Variants in ASPH observed in about 807,000 individuals in gnomAD.
ASPH encodes aspartyl/asparaginyl beta-hydroxylase.
In ASPH, 100 loss-of-function variants were observed where a neutral mutation model predicts 118.4. The observed-to-expected ratio is 0.84, with a 90% CI of 0.72 to 1.00. The LOEUF is 1.00. ASPH is among the 50% of genes least tolerant of loss of function. The probability of loss-of-function intolerance (pLI) is 0.00; values close to 1 mark genes in which losing one functional copy is unlikely to be tolerated. For missense variants in ASPH, 920 were observed against 919.5 expected, an observed-to-expected ratio of 1.00 and a Z score of -0.01; for synonymous variants, 315 against 325.6, an observed-to-expected ratio of 0.97 and a Z score of 0.35.
intron 20 of ASPH, among the ~76,000 whole-genome samples, chr8:61,551,839 C>T (rs966348455): frequency 6.6e-6 from 1 of 152,180 alleles, no homozygotes; most frequent in African/African-American, 2.4e-5. Flanking sequence ...GCAAAAAGGA[C>T]TACTAATCAG....
chr8:61,553,445 T>C (rs1398826208), intron 19 of ASPH, among the ~76,000 whole-genome samples: 1 of 152,232 alleles, frequency 6.6e-6, no homozygotes, highest in African/African-American at 2.4e-5. Context: ...GGATAGCTCT[T>C]ACATTTATTT....
chr8:61,579,123 C>T (rs926894973), intron 15 of ASPH: 84 of 1,610,640 alleles, frequency 5.2e-5, no homozygotes, highest in Middle Eastern at 2.2e-4. Context: ...TGACCTGTGG[C>T]GCACAAAGAC....
chr8:61,521,757 G>C (rs1306400007), intron 22 of ASPH, among the ~76,000 whole-genome samples: 1 of 152,218 alleles, frequency 6.6e-6, no homozygotes, highest in Non-Finnish European at 1.5e-5. Context: ...AGATCTAACA[G>C]CCAATGCAAA....
rs542741485 is a variant in ASPH at position 61,565,584 on chromosome 8, T to C, written c.1300+1584A>G. Among the ~76,000 whole-genome samples, 88 of 150,274 alleles carry C rather than the reference T, an allele frequency of 5.9e-4. 1 individual carries two copies. The highest frequency in any genetic ancestry group is 5.0e-4 in the Non-Finnish European group (34 of 67,434). On this transcript the variant is annotated intron_variant, in intron 17 of 24. Transcript: ENST00000379454. ...TAAGATGAAGTAGCAAGTGCTAATGTAGAAGCTGTAGCAAGTTTCCAGAAG... is the reference window on the plus strand; with the variant it reads ...TAAGATGAAGTAGCAAGTGCTAATGCAGAAGCTGTAGCAAGTTTCCAGAAG...
rs778992919 is a variant in ASPH, at chr8:61,663,176, T to G, written c.323-9516A>C. The G allele has an allele frequency of 9.3e-5, 92 of 985,376 alleles. No individual in the cohort carries two copies. In the African/African-American group the frequency reaches 9.6e-4, roughly 10 times the overall value. 61.0% of individuals were successfully genotyped at this position (985,376 alleles called of 1,614,324 possible). A position where few individuals can be genotyped will look rare whatever the true frequency, so the allele number is the denominator to read the frequency against. On this transcript the variant is annotated intron_variant, in intron 3 of 24. Transcript: ENST00000379454. ...ATATGCCTGGGGGACATGTTCTGCT[T>G]CTTCTTCTGTCCAGTTTTCAAAGCC...
At chr8:61,667,792 T>A (rs970591841) in intron 3 of ASPH, among the ~76,000 whole-genome samples, 1 of 152,230 alleles carries the variant, frequency 6.6e-6, no homozygotes, top group Non-Finnish European at 1.5e-5. Flanking sequence ...TAGCTTTCAC[T>A]GTGCTCTAAG....
In ASPH at chr8:61,517,645, A is replaced by C; in HGVS notation, c.2009T>G (p.Met670Arg). 6.2e-7 allele frequency: 1 copy of C among 1,613,968 alleles called. No homozygotes were observed. Among genetic ancestry groups the C allele is most frequent in the Non-Finnish European group, 8.5e-7 (1 of 1,179,876 alleles). Residue 670 changes from methionine (M) to arginine (R), a missense_variant, in exon 24 of 25, where the codon ATG becomes AGG. Physicochemically the swap from Met to Arg is moderately conservative, Grantham distance 91. Transcript: ENST00000379454. ...CGGCCACACGTGAGTCCCGGGGTGC[A>C]TGATGGAATATTTGATCTGCATAGA... ...CRRGQIKYSI[M>R]HPGTHVWPHT...
chr8:61,603,649 T>A (rs1483870646), intron 14 of ASPH, among the ~76,000 whole-genome samples: 1 of 152,222 alleles, frequency 6.6e-6, no homozygotes. Context: ...ATTTATTGAG[T>A]GCCTCACAGG....
At chr8:61,691,813 T>A (rs1157262686) in intron 1 of ASPH, among the ~76,000 whole-genome samples, 2 of 152,188 alleles carry the variant, frequency 1.3e-5, no homozygotes. Context: ...TGAAACAAAC[T>A]TCTATTGATT....
chr8:61,620,855 G>C (rs1445343044), intron 13 of ASPH, among the ~76,000 whole-genome samples: 1 of 152,224 alleles, frequency 6.6e-6, no homozygotes, highest in Non-Finnish European at 1.5e-5. Context: ...TGCTGGTCAT[G>C]AAGGGGAGTT....
intron 14 of ASPH, among the ~76,000 whole-genome samples, chr8:61,610,494 T>C (rs1316480806): frequency 6.6e-6 from 1 of 152,250 alleles, no homozygotes. Flanking sequence ...ATAATTAACT[T>C]ATCTGTGGAA....
At position 61,681,013 on chromosome 8, in the gene ASPH, C is replaced by G; in HGVS notation, c.277G>C (p.Asp93His). 6 of 1,604,778 alleles carry G rather than the reference C, an allele frequency of 3.7e-6. No individual in the cohort carries two copies. The highest frequency in any genetic ancestry group is 5.1e-6 in the Non-Finnish European group (6 of 1,175,144). ...VLGKLGIYDA[D>H]GDGDFDVDDA... is the part of the protein sequence containing the mutation. Reference sequence around the variant, plus strand: ...TCCACATCAAAATCTCCATCACCATCAGCATCATAGATTCCTAGTTTTCCT... The same window carrying G: ...TCCACATCAAAATCTCCATCACCATGAGCATCATAGATTCCTAGTTTTCCT... The change falls in exon 3 of 25, where the codon GAT becomes CAT. Residue 93 changes from aspartate to histidine, a missense_variant. By Grantham distance (81) the Asp-to-His change is moderately conservative. Transcript: ENST00000379454.
At chr8:61,642,945 C>T (rs777959725) in intron 9 of ASPH, 25 bp from the exon 10 acceptor site, 2 of 1,535,304 alleles carry the variant, frequency 1.3e-6, no homozygotes, top group Non-Finnish European at 1.7e-6. Context: ...AGAATAAAAG[C>T]AAAATAAGTA....
At chr8:61,575,908 G>A (rs1292277186) in intron 16 of ASPH, among the ~76,000 whole-genome samples, 3 of 152,090 alleles carry the variant, frequency 2.0e-5, no homozygotes, top group Admixed American at 6.6e-5. Flanking sequence ...AGGTACCACC[G>A]CTGTAGGCTG....
At chr8:61,713,515 T>C (rs1434906870) in intron 1 of ASPH, among the ~76,000 whole-genome samples, 1 of 152,142 alleles carries the variant, frequency 6.6e-6, no homozygotes, top group African/African-American at 2.4e-5. Context: ...ATCCCAAATA[T>C]GAGTCAAAGG....
chr8:61,710,792 T>C (rs771889558), intron 1 of ASPH, among the ~76,000 whole-genome samples: 9 of 152,164 alleles, frequency 5.9e-5, no homozygotes, highest in Non-Finnish European at 1.0e-4. Context: ...GGCTCCACAA[T>C]GCAATCAGCA....
rs550348380 is a variant in ASPH at position 61,594,361 on chromosome 8, C to T, written c.977-10332G>A. 3.3e-5 allele frequency among the ~76,000 whole-genome samples: 5 copies of T among 152,294 alleles called. No individual in the cohort carries two copies. The South Asian group carries it at 1.0e-3, about 32-fold the overall frequency. On this transcript the variant is annotated intron_variant, in intron 14 of 24. Coordinates refer to ENST00000379454, the MANE Select transcript of ASPH (RefSeq NM_004318.4). ...TTTAAATAATTGTTTCTATGAAATA[C>T]TGATTTCCCAGTGATGTCAAATGAA...
chr8:61,552,949 TGAA>T, intron 20 of ASPH, 79 bp downstream of exon 20: 5 of 1,199,674 alleles, frequency 4.2e-6, no homozygotes, highest in Admixed American at 4.0e-5. Flanking sequence ...AAATATTTTT[TGAA>T]TTCTAACTTT....
intron 14 of ASPH, chr8:61,607,325 G>A (rs915547272): frequency 7.1e-5 from 50 of 700,972 alleles, no homozygotes; most frequent in Admixed American, 3.8e-4. Flanking sequence ...TGAGTCCTCT[G>A]TAAATGAAAG....
Sources: gnomAD v4.1 joint callset for allele counts (sites outside exome capture counted in the v4.1 genomes callset) on GRCh38, gnomAD v4.1.1 for gene constraint, MANE v1.5 for transcripts, NCBI Gene and HGNC (gene_info 2026-07-23, HGNC 2026-07-21) for gene names.